DOCK6: variants seen among roughly 807,000 people sequenced by gnomAD.
DOCK6 encodes dedicator of cytokinesis protein 6.
In DOCK6, 167 loss-of-function variants were observed where a neutral mutation model predicts 230.3. The observed-to-expected ratio is 0.73, with a 90% confidence interval of 0.64 to 0.82. The LOEUF is 0.82. Among genes scored for constraint, DOCK6 ranks in the 40% least tolerant of loss-of-function variants. The probability of loss-of-function intolerance (pLI) is 0.00; values close to 1 mark genes in which losing one functional copy is unlikely to be tolerated. For missense variants in DOCK6, 2,598 were observed against 2,825.8 expected (o/e 0.92, Z 1.83); for synonymous variants, 1,148 against 1,185.0 (o/e 0.97, Z 0.64).
chr19:11,239,540 C>A (rs1953677344), intron 14 of DOCK6: 2 of 1,439,370 alleles, frequency 1.4e-6, no homozygotes, highest in Admixed American at 4.0e-5. Flanking sequence ...ATGCGGGGCA[C>A]CAGGTCGGCC....
At position 11,236,711 on chromosome 19, in the gene DOCK6, G is replaced by T; in HGVS notation, c.2160+82C>A. 1 of 1,526,744 alleles carries T rather than the reference G, an allele frequency of 6.5e-7. No individual in the cohort carries two copies. The highest frequency in any genetic ancestry group is 1.2e-5 in the South Asian group (1 of 83,378). The allele number at this position is 1,526,744 out of a possible 1,614,324, so 94.6% of individuals were successfully genotyped here. A position where few individuals can be genotyped will look rare whatever the true frequency, so the allele number is the denominator to read the frequency against. On this transcript the variant is annotated intron_variant, in intron 19 of 47. Transcript: ENST00000294618. This position sits in a 1 kb window ranked among gnomAD's most constrained non-coding sequence, Gnocchi z 5.2. The stretch of plus-strand genomic sequence containing the variant: ...CCAAGGCCTGAGGCCAGACCTCCCC[G>T]GCCATCGGCAACTGTTACTCAATCG...
At chr19:11,218,540 T>G (rs904789774) in intron 28 of DOCK6, among the ~76,000 whole-genome samples, 6 of 151,922 alleles carry the variant, frequency 3.9e-5, no homozygotes, top group Non-Finnish European at 7.4e-5. Flanking sequence ...CTCAACCTCC[T>G]GAACTCAAGT....
chr19:11,214,400 G>A lies in DOCK6; in HGVS notation c.4213C>T (p.Leu1405Phe), dbSNP rs776580172. 1.1e-5 allele frequency: 17 copies of A among 1,613,778 alleles called. No homozygotes were observed. Among genetic ancestry groups the A allele is most frequent in the Non-Finnish European group, 1.2e-5 (14 of 1,179,880 alleles). Reference protein sequence around the residue: ...TLEIIVQTVMLSEARESVLGA... With the variant: ...TLEIIVQTVMFSEARESVLGA... ...AAGACGCTCTCCCGGGCTTCTGAAA[G>A]CATCACCGTCTGGAGGGAAGGGGGT... The change falls in exon 34 of 48, where the codon CTT (leucine) becomes TTT (phenylalanine). Residue 1405 changes from leucine (L) to phenylalanine (F), a missense_variant. Coordinates refer to ENST00000294618, the MANE Select transcript of DOCK6 (RefSeq NM_020812.4).
chr19:11,243,063 C>T lies in DOCK6; in HGVS notation c.1476G>A (p.Val492=). The change falls in exon 13 of 48, where the codon GTG becomes GTA. Residue 492 remains valine, a synonymous_variant. Transcript: ENST00000294618. This position sits in a 1 kb window ranked among gnomAD's most constrained non-coding sequence, Gnocchi z 6.3. ...TGTATGGGGTGTGCCACGCACCAGT[C>T]ACAGGACGTAGTCGCCGCAGCAGGG... is the stretch of plus-strand genomic sequence containing the variant. ...PSSLLRRLRP[V]TAQLKIDISP... is the part of the protein sequence containing the mutation. The T allele has an allele frequency of 6.2e-7, 1 of 1,613,884 alleles. No homozygotes were observed. Among genetic ancestry groups the T allele is most frequent in the Non-Finnish European group, 8.5e-7 (1 of 1,179,890 alleles).
At position 11,243,353 on chromosome 19, in the gene DOCK6, G is replaced by A. The variant is rs747899374; in HGVS notation, c.1291C>T (p.Arg431Trp). Residue 431 changes from arginine (R) to tryptophan (W), a missense_variant, in exon 12 of 48, where the codon CGG (arginine) becomes TGG (tryptophan). Coordinates refer to ENST00000294618, the MANE Select transcript of DOCK6 (RefSeq NM_020812.4). This position sits in a 1 kb window ranked among gnomAD's most constrained non-coding sequence, Gnocchi z 6.3. ...CTACTCGCCCGGTCCTGGGGCCCCC[G>A]ACGGCGGCGGTCTGTCCAGGCTGGC... ...RRPAWTDRRR[R>W]GPQDRASSGD... The A allele has an allele frequency of 1.9e-6, 3 of 1,600,216 alleles. No individual in the cohort carries two copies. Among genetic ancestry groups the A allele is most frequent in the Non-Finnish European group, 2.6e-6 (3 of 1,174,110 alleles).
Position 11,227,479 on chromosome 19 carries a change from T to TG in DOCK6, c.2815-3dup. ...CAGGTGCAGCGCCATACTCTTCACC[T>TG]GGGGGTGGGGTGAGAGGGCTGTGGG... On this transcript the variant is annotated splice_region_variant and splice_polypyrimidine_tract_variant and intron_variant, in intron 23 of 47. Transcript: ENST00000294618. 1 of 1,541,640 alleles carries TG rather than the reference T, an allele frequency of 6.5e-7. No homozygotes were observed. The highest frequency in any genetic ancestry group is 1.2e-5 in the South Asian group (1 of 85,908).
At chr19:11,228,801 A>C in intron 23 of DOCK6, 139 bp downstream of exon 23, 1 of 696,074 alleles carries the variant, frequency 1.4e-6, no homozygotes, top group South Asian at 1.8e-5. Context: ...TGACCTCGTG[A>C]TCCGCCCGCC....
chr19:11,217,067 A>T lies in DOCK6; in HGVS notation c.3741T>A (p.Ala1247=). 1 of 1,613,394 alleles carries T rather than the reference A, an allele frequency of 6.2e-7. No individual in the cohort carries two copies. Among genetic ancestry groups the T allele is most frequent in the Middle Eastern group, 1.7e-4 (1 of 6,058 alleles). Reference sequence around the variant, plus strand: ...ACGCCAGCAAGGTCCGGCTTGACTCAGCAGAGAGGGCACAGCCTGCGCGAG... The same window carrying T: ...ACGCCAGCAAGGTCCGGCTTGACTCTGCAGAGAGGGCACAGCCTGCGCGAG... The part of the protein sequence containing the change: ...TASRAGCALS[A]ESSRTLLACV... The change falls in exon 30 of 48, where the codon GCT becomes GCA. Residue 1247 remains alanine (A), a synonymous_variant. Transcript: ENST00000294618.
chr19:11,216,682 T>C (rs1003200864), intron 30 of DOCK6: 9 of 526,912 alleles, frequency 1.7e-5, no homozygotes, highest in African/African-American at 1.1e-4. Flanking sequence ...GTGCTGGGAT[T>C]ACAGGTGTGA....
At chr19:11,234,507 TA>T (rs5827121) in intron 21 of DOCK6, among the ~76,000 whole-genome samples, 3,674 of 145,162 alleles carry the variant, frequency 0.025, 95 homozygotes, top group East Asian at 0.15. Flanking sequence ...TTTGGCAAAT[TA>T]AAAAAAAAAA....
At chr19:11,232,422 G>T in intron 22 of DOCK6, 1 of 619,860 alleles carries the variant, frequency 1.6e-6, no homozygotes, top group Non-Finnish European at 2.5e-6. Flanking sequence ...TGAAAAATGT[G>T]CACGTGTATA....
intron 37 of DOCK6, among the ~76,000 whole-genome samples, chr19:11,211,560 CT>C (rs1483029696): frequency 3.6e-5 from 1 of 27,540 alleles, no homozygotes; most frequent in Non-Finnish European, 1.0e-4. Context: ...GTCTGCTCCC[CT>C]GTCCCCCTCA....
chr19:11,212,911 C>T (rs1335937597), intron 35 of DOCK6, among the ~76,000 whole-genome samples: 1 of 137,648 alleles, frequency 7.3e-6, no homozygotes, highest in African/African-American at 2.7e-5. Context: ...CTCACTCTTG[C>T]TCAGGCTGGA....
Position 11,217,260 on chromosome 19 carries a change from G to C in DOCK6, c.3682C>G (p.Arg1228Gly). 2 of 1,612,662 alleles carry C rather than the reference G, an allele frequency of 1.2e-6. No homozygotes were observed. Among genetic ancestry groups the C allele is most frequent in the African/African-American group, 1.3e-5 (1 of 75,038 alleles). The change falls in exon 29 of 48, where the codon CGG (arginine) becomes GGG (glycine). Residue 1228 changes from arginine to glycine, a missense_variant. Arg to Gly is a moderately radical substitution (Grantham distance 125). Coordinates refer to ENST00000294618, the MANE Select transcript of DOCK6 (RefSeq NM_020812.4). ...IAGGPLAPGS[R>G]ASISQGPPTA... Reference sequence around the variant, plus strand: ...GGTGGCCCCTGGGAGATGCTGGCCCGGGAGCCAGGGGCTAGGGGGCCACCA... The same window carrying C: ...GGTGGCCCCTGGGAGATGCTGGCCCCGGAGCCAGGGGCTAGGGGGCCACCA...
chr19:11,235,679 C>T lies in DOCK6; in HGVS notation c.2473G>A (p.Ala825Thr). ...GCCAGCTGTGGGCAGTGACCGCGGG[C>T]ATCCTGGGCTGCCTCCAGGCTCCGG... is the stretch of plus-strand genomic sequence containing the variant. ...VHRSLEAAQDARGHCPQLAAY... is the reference protein window; with the variant it reads ...VHRSLEAAQDTRGHCPQLAAY... Residue 825 changes from alanine (A) to threonine (T), a missense_variant, in exon 21 of 48, where the codon GCC becomes ACC. Coordinates refer to ENST00000294618, the MANE Select transcript of DOCK6 (RefSeq NM_020812.4). 1 of 1,602,384 alleles carries T rather than the reference C, an allele frequency of 6.2e-7. No homozygotes were observed.
intron 28 of DOCK6, among the ~76,000 whole-genome samples, chr19:11,217,664 A>G (rs1166765579): frequency 6.7e-6 from 1 of 150,356 alleles, no homozygotes; most frequent in Non-Finnish European, 1.5e-5. Context: ...AGGCTGTGGC[A>G]CGAGAATCTC....
rs1265458496 is a variant in DOCK6 at position 11,217,389 on chromosome 19, C to T, written c.3553G>A (p.Gly1185Ser). The change falls in exon 29 of 48, where the codon GGC becomes AGC. Residue 1185 changes from glycine to serine, a missense_variant and splice_region_variant. Coordinates refer to ENST00000294618, the MANE Select transcript of DOCK6 (RefSeq NM_020812.4). The part of the protein sequence containing the change: ...TLPRLHDFAE[G>S]PGQRSRLASM... ...GCCAGTCTTGACCGCTGACCTGGGC[C>T]CTCTGGCAGGGAAAGACAGAGGGAA... 1 of 1,612,542 alleles carries T rather than the reference C, an allele frequency of 6.2e-7. No homozygotes were observed. Among genetic ancestry groups the T allele is most frequent in the South Asian group, 1.1e-5 (1 of 90,820 alleles).
At chr19:11,241,559 G>A (rs776106774) in intron 14 of DOCK6, 31 of 1,553,790 alleles carry the variant, frequency 2.0e-5, no homozygotes, top group Middle Eastern at 3.3e-4. Context: ...GGAGAGGTGA[G>A]CCTGGCAGGG....
chr19:11,229,369 G>A (rs1303986484), intron 22 of DOCK6: 14 of 1,119,144 alleles, frequency 1.3e-5, no homozygotes, highest in East Asian at 1.1e-4. Context: ...GAGGAGGCTC[G>A]GCTAGAGTTG....
Sources: gnomAD v4.1 joint callset for allele counts (sites outside exome capture counted in the v4.1 genomes callset) on GRCh38, gnomAD v4.1.1 for gene constraint, Gnocchi (gnomAD v3.1) non-coding constraint, MANE v1.5 for transcripts, NCBI Gene and HGNC (gene_info 2026-07-23, HGNC 2026-07-21) for gene names.